Variants in TMEM132D observed in about 807,000 individuals in gnomAD.
TMEM132D encodes the protein transmembrane protein 132D, also known as mature OL transmembrane protein.
TMEM132D carries 21 observed loss-of-function variants against 62.3 expected under a neutral mutation model. That is an observed-to-expected ratio of 0.34 (90% confidence interval 0.24 to 0.49). TMEM132D has a LOEUF of 0.49. TMEM132D is among the 20% of genes least tolerant of loss of function. TMEM132D has a pLI of 0.99. For synonymous variants in TMEM132D, 621 were observed against 575.6 expected (o/e 1.08, Z -1.13); for missense variants, 1,346 against 1,402.8 (o/e 0.96, Z 0.65).
chr12:129,374,558 G>A (rs948971569), intron 3 of TMEM132D, among the ~76,000 whole-genome samples: 2 of 152,078 alleles, frequency 1.3e-5, no homozygotes, highest in East Asian at 1.9e-4. Flanking sequence ...GGAGCTGAAG[G>A]GAGCAGGTGG....
At chr12:129,256,013 C>G (rs1212346523) in intron 4 of TMEM132D, among the ~76,000 whole-genome samples, 4 of 152,164 alleles carry the variant, frequency 2.6e-5, no homozygotes, top group African/African-American at 9.7e-5. Context: ...GGAAGAAGTG[C>G]TATTCCATAA....
At chr12:129,443,487 T>C (rs1021439243) in intron 3 of TMEM132D, among the ~76,000 whole-genome samples, 2 of 152,166 alleles carry the variant, frequency 1.3e-5, no homozygotes, top group African/African-American at 4.8e-5. Context: ...CGAGGAACCG[T>C]GACGCAAGGC....
intron 2 of TMEM132D, among the ~76,000 whole-genome samples, chr12:129,699,254 C>A (rs935001782): frequency 2.0e-5 from 3 of 152,148 alleles, no homozygotes; most frequent in African/African-American, 7.2e-5. Flanking sequence ...TCAACAAATT[C>A]TACTGTATAT....
intron 5 of TMEM132D, among the ~76,000 whole-genome samples, chr12:129,168,528 GC>G (rs1329228424): frequency 7.9e-5 from 12 of 152,258 alleles, no homozygotes; most frequent in Admixed American, 7.2e-4. Context: ...TATAAGACAT[GC>G]CTTTCACGTC....
intron 3 of TMEM132D, among the ~76,000 whole-genome samples, chr12:129,436,348 G>A (rs769079668): frequency 8.5e-5 from 13 of 152,178 alleles, no homozygotes; most frequent in South Asian, 2.1e-4. Flanking sequence ...CATAGCTACC[G>A]CATGCATCAT....
At chr12:129,838,598 G>T (rs963420493) in intron 1 of TMEM132D, among the ~76,000 whole-genome samples, 8 of 152,130 alleles carry the variant, frequency 5.3e-5, no homozygotes, top group African/African-American at 1.9e-4. Flanking sequence ...AAATATTTGT[G>T]CCATATATGA....
chr12:129,100,992 A>G (rs2135635584), intron 5 of TMEM132D, among the ~76,000 whole-genome samples: 1 of 152,212 alleles, frequency 6.6e-6, no homozygotes, highest in East Asian at 1.9e-4. Context: ...CAGTCAAGGC[A>G]GGGATCGAAG....
At chr12:129,782,741 C>T (rs891174339) in intron 1 of TMEM132D, among the ~76,000 whole-genome samples, 8 of 152,156 alleles carry the variant, frequency 5.3e-5, no homozygotes, top group African/African-American at 1.9e-4. Context: ...AGGTGTATTC[C>T]TGATAAATCC....
intron 2 of TMEM132D, among the ~76,000 whole-genome samples, chr12:129,686,007 A>AACTAACTTGCTT (rs1384979746): frequency 3.3e-5 from 5 of 152,344 alleles, no homozygotes; most frequent in Admixed American, 3.3e-4. Flanking sequence ...GTATCTAAGT[A>AACTAACTTGCTT]GTAACTAACT....
At chr12:129,723,925 C>T (rs1868934136) in intron 1 of TMEM132D, among the ~76,000 whole-genome samples, 1 of 152,168 alleles carries the variant, frequency 6.6e-6, no homozygotes, top group African/African-American at 2.4e-5. Flanking sequence ...TGTCCATATT[C>T]TAATGAATTC....
intron 1 of TMEM132D, among the ~76,000 whole-genome samples, chr12:129,733,522 C>T (rs1869319330): frequency 6.6e-6 from 1 of 152,152 alleles, no homozygotes; most frequent in Non-Finnish European, 1.5e-5. Flanking sequence ...AAAGCTGCCC[C>T]CATCACACTC....
At position 129,900,577 on chromosome 12, in the gene TMEM132D, A is replaced by T. The variant is rs143213755; in HGVS notation, c.79+2684T>A. 2.9e-4 allele frequency among the ~76,000 whole-genome samples: 44 copies of T among 152,342 alleles called. No individual in the cohort carries two copies. The East Asian group carries it at 8.5e-3, about 29-fold the overall frequency. On this transcript the variant is annotated intron_variant, in intron 1 of 8. Coordinates refer to ENST00000422113, the MANE Select transcript of TMEM132D (RefSeq NM_133448.3). ...TGGGAAGGATGCACGTGAGGACTGT[A>T]ACAAGCAACCTAAATGTGGCAACCC... is the stretch of plus-strand genomic sequence containing the variant.
intron 4 of TMEM132D, among the ~76,000 whole-genome samples, chr12:129,289,605 T>C (rs1881397606): frequency 2.0e-5 from 3 of 147,414 alleles, no homozygotes; most frequent in Admixed American, 6.7e-5. Flanking sequence ...AAAGAACTAA[T>C]GTTAATTGTG....
chr12:129,838,521 AAG>A (rs1248234451), intron 1 of TMEM132D, among the ~76,000 whole-genome samples: 1 of 152,202 alleles, frequency 6.6e-6, no homozygotes, highest in African/African-American at 2.4e-5. Flanking sequence ...AATCCAAAGA[AAG>A]AGGAGTAAGA....
At chr12:129,841,830 A>G (rs1026143876) in intron 1 of TMEM132D, among the ~76,000 whole-genome samples, 3 of 151,962 alleles carry the variant, frequency 2.0e-5, no homozygotes, top group South Asian at 2.1e-4. Context: ...TTTAATAAAA[A>G]TAAAATTAAT....
At chr12:129,178,281 A>G (rs1296894860) in intron 5 of TMEM132D, among the ~76,000 whole-genome samples, 2 of 152,162 alleles carry the variant, frequency 1.3e-5, no homozygotes, top group Non-Finnish European at 2.9e-5. Context: ...CTCTGGGTAT[A>G]TACTCAGTAA....
chr12:129,747,585 C>T (rs997204918), intron 1 of TMEM132D, among the ~76,000 whole-genome samples: 7 of 149,104 alleles, frequency 4.7e-5, no homozygotes, highest in South Asian at 4.3e-4. Context: ...CACACACACG[C>T]GCTCACATGC....
chr12:129,219,377 T>C (rs1327441028), intron 4 of TMEM132D, among the ~76,000 whole-genome samples: 5 of 152,212 alleles, frequency 3.3e-5, no homozygotes, highest in African/African-American at 1.2e-4. Flanking sequence ...GCATCTTTCC[T>C]TTATAAATTA....
chr12:129,872,902 C>T (rs550945960), intron 1 of TMEM132D, among the ~76,000 whole-genome samples: 98 of 152,142 alleles, frequency 6.4e-4, no homozygotes, highest in Non-Finnish European at 1.2e-3. Flanking sequence ...ATACTTCACG[C>T]GAGGCAGATG....
Sources: allele counts gnomAD v4.1 joint callset (sites outside exome capture counted in the v4.1 genomes callset), GRCh38; gene constraint gnomAD v4.1.1; transcripts MANE v1.5; gene names NCBI Gene and HGNC (gene_info 2026-07-23, HGNC 2026-07-21).